MRPS23: variants seen among roughly 807,000 people sequenced by gnomAD.
MRPS23 encodes small ribosomal subunit protein mS23.
MRPS23 carries 14 observed loss-of-function variants against 19.8 expected under a neutral mutation model. The ratio of observed to expected loss-of-function variants is 0.71; its 90% CI spans 0.47 to 1.11. MRPS23 has a LOEUF of 1.11. MRPS23 is among the 50% of genes least tolerant of loss of function. The pLI, the probability that MRPS23 is intolerant of heterozygous loss-of-function variation, is 0.00. For missense variants in MRPS23, 242 were observed against 236.7 expected (o/e 1.02, Z -0.15); for synonymous variants, 113 against 89.7 (o/e 1.26, Z -1.47).
At position 57,838,313 on chromosome 17, in the gene MRPS23, A is replaced by AAAAAAAAAAAAAAAAAAAC. The variant is rs2073719471; in HGVS notation, c.*1469_*1470insGTTTTTTTTTTTTTTTTTT. The stretch of plus-strand genomic sequence containing the variant: ...GCAAAAAAAAAAAAAAAAAAAAAAA[A>AAAAAAAAAAAAAAAAAAAC]AAAATTAAAAATCTACAGAGGAGGA... On this transcript the variant is annotated 3_prime_UTR_variant, in exon 5 of 5. Transcript: ENST00000313608. 7.0e-6 allele frequency: 1 copy of AAAAAAAAAAAAAAAAAAAC among 141,926 alleles called. No homozygotes were observed. The highest frequency in any genetic ancestry group is 1.5e-5 in the Non-Finnish European group (1 of 65,158). 8.8% of individuals were successfully genotyped at this position (141,926 alleles called of 1,614,324 possible).
At position 57,836,038 on chromosome 17, in the gene MRPS23, T is replaced by C. The variant is rs1309640498; in HGVS notation, c.*3745A>G. On this transcript the variant is annotated 3_prime_UTR_variant, in exon 5 of 5. Coordinates refer to ENST00000313608, the MANE Select transcript of MRPS23 (RefSeq NM_016070.4). Reference sequence around the variant, plus strand: ...AGCATGATCTCAGCTCACTGTAACCTCCACCTCCTGGGTTCAAGCGATTCT... The same window carrying C: ...AGCATGATCTCAGCTCACTGTAACCCCCACCTCCTGGGTTCAAGCGATTCT... The C allele has an allele frequency of 1.4e-5, 2 of 147,934 alleles. No individual in the cohort carries two copies. The highest frequency in any genetic ancestry group is 1.4e-4 in the Admixed American group (2 of 14,478). The allele number at this position is 147,934 out of a possible 1,614,324, so 9.2% of individuals were successfully genotyped here. A position where few individuals can be genotyped will look rare whatever the true frequency, so the allele number is the denominator to read the frequency against.
rs765236916 is a variant in MRPS23, at chr17:57,839,839, G to A, written c.517C>T (p.Gln173Ter). 1.9e-6 allele frequency: 3 copies of A among 1,614,214 alleles called. No homozygotes were observed. Among genetic ancestry groups the A allele is most frequent in the Non-Finnish European group, 2.5e-6 (3 of 1,180,038 alleles). ...EENETQKEVPQDQHLEAPADQ... is the reference protein window; with the variant it reads ...EENETQKEVP ...GCAGGTGCCTCCAAATGCTGGTCCT[G>A]TGGAACTTCTTTCTGAGTCTCGTTT... is the stretch of plus-strand genomic sequence containing the variant. The change falls in exon 5 of 5, where the codon CAG (glutamine) becomes TAG (stop). Residue 173 changes from glutamine (Q) to a stop codon, truncating the protein, a stop_gained. Coordinates refer to ENST00000313608, the MANE Select transcript of MRPS23 (RefSeq NM_016070.4). LOFTEE classifies it low-confidence loss of function (END_TRUNC).
intron 4 of MRPS23, chr17:57,840,697 A>G (rs2073734826): frequency 2.5e-6 from 1 of 397,824 alleles, no homozygotes; most frequent in Non-Finnish European, 4.4e-6. Flanking sequence ...AAAATAGAGT[A>G]TAACTACTTA....
chr17:57,843,299 C>A (rs1000599518), intron 2 of MRPS23, among the ~76,000 whole-genome samples: 1 of 151,430 alleles, frequency 6.6e-6, no homozygotes, highest in African/African-American at 2.4e-5. Context: ...CAAACACACA[C>A]ACACATGTTC....
At chr17:57,847,525 G>A (rs1479611419) in intron 2 of MRPS23, among the ~76,000 whole-genome samples, 2 of 151,264 alleles carry the variant, frequency 1.3e-5, no homozygotes, top group Non-Finnish European at 2.9e-5. Flanking sequence ...AGCCAGCTGT[G>A]GTGGTGGGCG....
chr17:57,839,877 G>T lies in MRPS23; in HGVS notation c.479C>A (p.Thr160Asn). 1 of 1,614,204 alleles carries T rather than the reference G, an allele frequency of 6.2e-7. No individual in the cohort carries two copies. Among genetic ancestry groups the T allele is most frequent in the South Asian group, 1.1e-5 (1 of 91,084 alleles). ...KSEHLSVRPQ[T>N]ALEENETQKE... ...CTGAGTCTCGTTTTCTTCCAACGCA[G>T]TCTGTGGTCTGACACTCAAGTGTTC... Residue 160 changes from threonine to asparagine, a missense_variant, in exon 5 of 5, where the codon ACT becomes AAT. Coordinates refer to ENST00000313608, the MANE Select transcript of MRPS23 (RefSeq NM_016070.4).
chr17:57,848,188 C>T lies in MRPS23; in HGVS notation c.215+1052G>A, dbSNP rs547031367. On this transcript the variant is annotated intron_variant, in intron 2 of 4. Transcript: ENST00000313608. ...ATCCTCCCTTATGCCTCCCAAAGCACTAGGATTACAGGCACAAGCCACCAC... is the reference window on the plus strand; with the variant it reads ...ATCCTCCCTTATGCCTCCCAAAGCATTAGGATTACAGGCACAAGCCACCAC... 2.6e-4 allele frequency among the ~76,000 whole-genome samples: 40 copies of T among 152,140 alleles called. No individual in the cohort carries two copies. In the South Asian group the frequency reaches 6.6e-3, roughly 25 times the overall value.
intron 2 of MRPS23, among the ~76,000 whole-genome samples, chr17:57,847,414 G>A (rs902844726): frequency 1.3e-5 from 2 of 150,292 alleles, no homozygotes; most frequent in African/African-American, 4.9e-5. Context: ...TGTAATCCCA[G>A]CACTTTGGGA....
rs188144561 is a variant in MRPS23, at chr17:57,848,032, A to G, written c.215+1208T>C. On this transcript the variant is annotated intron_variant, in intron 2 of 4. Coordinates refer to ENST00000313608, the MANE Select transcript of MRPS23 (RefSeq NM_016070.4). ...AAATTCTTAAATAATCATTATCAAT[A>G]CTGACAAGGATAAAGTAAGAACTCT... Among the ~76,000 whole-genome samples the G allele has an allele frequency of 2.0e-5, 3 of 152,226 alleles. No individual in the cohort carries two copies. The East Asian group carries it at 5.8e-4, about 30-fold the overall frequency.
intron 2 of MRPS23, among the ~76,000 whole-genome samples, chr17:57,845,080 C>T (rs2073764181): frequency 6.6e-6 from 1 of 151,876 alleles, no homozygotes; most frequent in Admixed American, 6.6e-5. Flanking sequence ...GCATTTTTAG[C>T]AGAGGTGGGG....
rs541003703 is a variant in MRPS23 at position 57,840,170 on chromosome 17, G to C, written c.421-235C>G. ...TGGGAGGCTGAGGCGGGCGGATCAC[G>C]AGGTCAGGAGATCAAGACCATCCTG... On this transcript the variant is annotated intron_variant, in intron 4 of 4. Coordinates refer to ENST00000313608, the MANE Select transcript of MRPS23 (RefSeq NM_016070.4). Among the ~76,000 whole-genome samples, 5 of 152,140 alleles carry C rather than the reference G, an allele frequency of 3.3e-5. No individual in the cohort carries two copies. In the South Asian group the frequency reaches 6.2e-4, roughly 19 times the overall value.
chr17:57,846,163 G>A (rs1488692330), intron 2 of MRPS23, among the ~76,000 whole-genome samples: 2 of 147,974 alleles, frequency 1.4e-5, no homozygotes, highest in Non-Finnish European at 3.1e-5. Context: ...GGGAGGTAGG[G>A]GGCAGTCCCT....
chr17:57,849,397 C>G lies in MRPS23; in HGVS notation c.58G>C (p.Val20Leu). The change falls in exon 2 of 5, where the codon GTT (valine) becomes CTT (leucine). Residue 20 changes from valine to leucine, a missense_variant. Physicochemically the swap from Val to Leu is conservative, Grantham distance 32 (BLOSUM62 1). Coordinates refer to ENST00000313608, the MANE Select transcript of MRPS23 (RefSeq NM_016070.4). ...GSIFSRTRDL[V>L]RAGVLKEKPL... is the part of the protein sequence containing the mutation. ...TTCTCCTTCAGCACCCCGGCCCGAA[C>G]CAGGTCCCGAGTCCTTAGGGAGGGA... 6.2e-7 allele frequency: 1 copy of G among 1,613,928 alleles called. No individual in the cohort carries two copies. The highest frequency in any genetic ancestry group is 1.1e-5 in the South Asian group (1 of 91,066).
Position 57,849,989 on chromosome 17 carries a change from T to G in MRPS23, c.22A>C (p.Thr8Pro). MAGSRLE[T>P]VGSIFSRTRD... ...CACCGAGAGAAGATGCTCCCTACGG[T>G]TTCCAGCCGGCTGCCTGCCATGATC... Residue 8 changes from threonine (T) to proline (P), a missense_variant, in exon 1 of 5, where the codon ACC becomes CCC. Physicochemically the swap from Thr to Pro is conservative, Grantham distance 38. Transcript: ENST00000313608. 3.1e-6 allele frequency: 5 copies of G among 1,591,074 alleles called. No individual in the cohort carries two copies. Among genetic ancestry groups the G allele is most frequent in the Non-Finnish European group, 4.3e-6 (5 of 1,174,608 alleles).
intron 2 of MRPS23, among the ~76,000 whole-genome samples, chr17:57,847,345 T>A (rs186347988): frequency 1.5e-3 from 217 of 146,000 alleles, no homozygotes; most frequent in African/African-American, 4.8e-3. Flanking sequence ...ACATTTTCTG[T>A]GACTATTTAA....
chr17:57,845,349 TTG>T (rs1319634283), intron 2 of MRPS23, among the ~76,000 whole-genome samples: 1 of 152,164 alleles, frequency 6.6e-6, no homozygotes, highest in Non-Finnish European at 1.5e-5. Context: ...TAAATGAGTG[TTG>T]GTGTTGGGGG....
intron 2 of MRPS23, among the ~76,000 whole-genome samples, chr17:57,846,083 G>GT (rs11405515): frequency 0.73 from 106,616 of 145,970 alleles, 39,168 homozygotes; most frequent in East Asian, 0.96. Flanking sequence ...TGACATCTTT[G>GT]TTTTTTTTTT....
In MRPS23 at chr17:57,839,566, ATTCT is replaced by A; in HGVS notation, c.*213_*216del. On this transcript the variant is annotated 3_prime_UTR_variant, in exon 5 of 5. Transcript: ENST00000313608. ...AATTTACTTTATAAGCAGCTAGGGA[ATTCT>A]TTATTTAGTAATGTCCTAACATAAA... The A allele has an allele frequency of 2.4e-6, 1 of 419,746 alleles. No homozygotes were observed. The highest frequency in any genetic ancestry group is 4.2e-6 in the Non-Finnish European group (1 of 239,998). 26.0% of individuals were successfully genotyped at this position (419,746 alleles called of 1,614,324 possible).
rs1378257765 is a variant in MRPS23 at position 57,838,297 on chromosome 17, A to C, written c.*1486T>G. On this transcript the variant is annotated 3_prime_UTR_variant, in exon 5 of 5. Transcript: ENST00000313608. ...AAAGTGATACTCCATCGCAAAAAAA[A>C]AAAAAAAAAAAAAAAAAAAATTAAA... 9.2e-5 allele frequency: 13 copies of C among 140,908 alleles called. No individual in the cohort carries two copies. The highest frequency in any genetic ancestry group is 7.5e-4 in the Admixed American group (11 of 14,730). The allele number at this position is 140,908 out of a possible 1,614,324, so 8.7% of individuals were successfully genotyped here.
Sources: gnomAD v4.1 joint callset for allele counts (sites outside exome capture counted in the v4.1 genomes callset) on GRCh38, gnomAD v4.1.1 for gene constraint, MANE v1.5 for transcripts, NCBI Gene and HGNC (gene_info 2026-07-23, HGNC 2026-07-21) for gene names.